Variants in SLC25A22 observed in about 807,000 individuals in gnomAD.
The protein encoded by SLC25A22 is mitochondrial glutamate carrier 1.
A neutral mutation model predicts 33.7 loss-of-function variants in SLC25A22; 23 were observed. The observed-to-expected ratio is 0.68, with a 90% CI of 0.49 to 0.97. The LOEUF is 0.97. Ranked by LOEUF, SLC25A22 falls within the 50% of genes least tolerant of loss-of-function variation. The pLI is 0.00. For missense variants in SLC25A22, 390 were observed against 451.1 expected (o/e 0.86, Z 1.23); for synonymous variants, 245 against 203.8 (o/e 1.20, Z -1.72).
chr11:794,167 G>A lies in SLC25A22; in HGVS notation c.202+291C>T, dbSNP rs1864672433. 13 of 683,174 alleles carry A rather than the reference G, an allele frequency of 1.9e-5. No individual in the cohort carries two copies. In the Middle Eastern group the frequency reaches 7.0e-4, roughly 37 times the overall value. The allele number at this position is 683,174 out of a possible 1,614,324, so 42.3% of individuals were successfully genotyped here. On this transcript the variant is annotated intron_variant, in intron 4 of 9. Coordinates refer to ENST00000628067, the MANE Select transcript of SLC25A22 (RefSeq NM_001191061.2). ...CCCAGCCACAAACGGGGTCCAGCCTGGCCCAGAAGGCAGAGGCAGCTGTGG... is the reference window on the plus strand; with the variant it reads ...CCCAGCCACAAACGGGGTCCAGCCTAGCCCAGAAGGCAGAGGCAGCTGTGG...
In SLC25A22 at chr11:791,541, T is replaced by A; in HGVS notation, c.*374A>T. ...GGGTGCCTGTGTGGGCCAGGATGGC[T>A]GTGGAGACTGGAGCTGGTGGACTGG... On this transcript the variant is annotated 3_prime_UTR_variant, in exon 10 of 10. Transcript: ENST00000628067. 9.1e-6 allele frequency: 3 copies of A among 330,252 alleles called. No individual in the cohort carries two copies. The highest frequency in any genetic ancestry group is 1.7e-5 in the Non-Finnish European group (3 of 175,328). The allele number at this position is 330,252 out of a possible 1,614,324, so 20.5% of individuals were successfully genotyped here.
In SLC25A22 at chr11:794,271, G is replaced by A. The variant is rs764463946; in HGVS notation, c.202+187C>T. On this transcript the variant is annotated intron_variant, in intron 4 of 9. Transcript: ENST00000628067. ...GGGGGTGGGGAGCTGCCACGGGAGA[G>A]GCTGAGAACTACCACTCACCAGAGA... The A allele has an allele frequency of 1.0e-4, 78 of 755,408 alleles. 3 individuals are homozygous for A. The South Asian group carries it at 1.1e-3, about 11-fold the overall frequency. The allele number at this position is 755,408 out of a possible 1,614,324, so 46.8% of individuals were successfully genotyped here. A position where few individuals can be genotyped will look rare whatever the true frequency, so the allele number is the denominator to read the frequency against.
chr11:795,445 C>T (rs1864772137), intron 1 of SLC25A22: 1 of 329,784 alleles, frequency 3.0e-6, no homozygotes, highest in Non-Finnish European at 6.1e-6. Context: ...GCACCCCAGC[C>T]AGCTCCGGCT....
At chr11:794,245 T>C (rs1864676530) in intron 4 of SLC25A22, 1 of 710,676 alleles carries the variant, frequency 1.4e-6, no homozygotes. Flanking sequence ...AGGCACTAAG[T>C]GGGGGTGGGG....
Position 795,089 on chromosome 11 carries a change from AG to A in SLC25A22, c.-84del. 1.2e-6 allele frequency: 1 copy of A among 856,044 alleles called. No individual in the cohort carries two copies. Among genetic ancestry groups the A allele is most frequent in the African/African-American group, 1.9e-5 (1 of 53,312 alleles). 53.0% of individuals were successfully genotyped at this position (856,044 alleles called of 1,614,324 possible). On this transcript the variant is annotated 5_prime_UTR_variant, in exon 2 of 10. Transcript: ENST00000628067. ...GGAGGTGGAGGTGGAGGAGGCCTTGAGGGAGGGTGGGACCCAGGGGGGTTGG... is the reference window on the plus strand; with the variant it reads ...GGAGGTGGAGGTGGAGGAGGCCTTGAGGAGGGTGGGACCCAGGGGGGTTGG...
In SLC25A22 at chr11:792,122, C is replaced by G. The variant is rs574960850; in HGVS notation, c.818+20G>C. On this transcript the variant is annotated intron_variant, in intron 9 of 9. Coordinates refer to ENST00000628067, the MANE Select transcript of SLC25A22 (RefSeq NM_001191061.2). ...CGGTACGCAGGCCCCCAGGCCCCAC[C>G]CGCCGTGGGACCTCCCCACCTGGCA... 9 of 1,610,098 alleles carry G rather than the reference C, an allele frequency of 5.6e-6. No homozygotes were observed. The East Asian group carries it at 1.6e-4, about 28-fold the overall frequency.
chr11:794,686 CA>C, intron 3 of SLC25A22, 89 bp downstream of exon 3: 8 of 1,545,806 alleles, frequency 5.2e-6, no homozygotes, highest in Non-Finnish European at 7.0e-6. Flanking sequence ...TCCCTTCTGT[CA>C]AACAGGGTGG....
chr11:795,546 A>C, intron 1 of SLC25A22: 1 of 290,264 alleles, frequency 3.4e-6, no homozygotes, highest in Non-Finnish European at 6.9e-6. Context: ...TGTGGTGACC[A>C]TCCCCCACAT....
At chr11:797,485 G>A (rs1590126867) in intron 1 of SLC25A22, 1 of 397,784 alleles carries the variant, frequency 2.5e-6, no homozygotes, top group Non-Finnish European at 4.4e-6. Context: ...ATAGTCAGGT[G>A]AACTGAGGCC....
intron 9 of SLC25A22, 35 bp from the exon 10 acceptor site, chr11:792,103 G>A (rs370128136): frequency 4.4e-6 from 7 of 1,603,446 alleles, no homozygotes; most frequent in African/African-American, 2.7e-5. Flanking sequence ...AGCCCGGTAC[G>A]CAGGCCCCCA....
Position 792,301 on chromosome 11 carries a change from G to A in SLC25A22, c.742+3C>T. 3 of 1,613,212 alleles carry A rather than the reference G, an allele frequency of 1.9e-6. No homozygotes were observed. Among genetic ancestry groups the A allele is most frequent in the African/African-American group, 1.3e-5 (1 of 75,054 alleles). On this transcript the variant is annotated splice_donor_region_variant and intron_variant, in intron 8 of 9. Transcript: ENST00000628067. ...CCAGCCGGGCGCCATCCCATGCACT[G>A]ACCATCACAGGGGTTGACGGCCACA...
At position 795,067 on chromosome 11, in the gene SLC25A22, G is replaced by T; in HGVS notation, c.-61C>A. On this transcript the variant is annotated 5_prime_UTR_variant, in exon 2 of 10. Coordinates refer to ENST00000628067, the MANE Select transcript of SLC25A22 (RefSeq NM_001191061.2). The stretch of plus-strand genomic sequence containing the variant: ...TGGACGCCAGGCCAGGCGGGGTGGA[G>T]GTGGAGGTGGAGGAGGCCTTGAGGG... 6.5e-7 allele frequency: 1 copy of T among 1,547,122 alleles called. No homozygotes were observed. Among genetic ancestry groups the T allele is most frequent in the Non-Finnish European group, 8.7e-7 (1 of 1,145,820 alleles).
rs779436764 is a variant in SLC25A22 at position 792,234 on chromosome 11, G to C, written c.743-17C>G. 1.2e-6 allele frequency: 2 copies of C among 1,612,984 alleles called. No homozygotes were observed. The highest frequency in any genetic ancestry group is 1.7e-6 in the Non-Finnish European group (2 of 1,179,934). On this transcript the variant is annotated splice_polypyrimidine_tract_variant and intron_variant, in intron 8 of 9. Transcript: ENST00000628067. ...TCTTCACCACTGCAAGGGGCGCTCG[G>C]GTCAGTGTGAGCCTGGCCAAGGGCT...
intron 3 of SLC25A22, 85 bp from the exon 4 acceptor site, chr11:794,598 G>C (rs747425319): frequency 1.9e-6 from 3 of 1,560,702 alleles, no homozygotes; most frequent in Non-Finnish European, 1.7e-6. Context: ...GCTGATAGAA[G>C]AGGCCAAGTC....
Position 791,573 on chromosome 11 carries a change from G to A in SLC25A22, c.*342C>T, listed in dbSNP as rs529513188. ...ACTGGAGCTGGTGGACTGGGGGTAT[G>A]GTCCAGCCTGCCCGGCCCAGGCCCG... On this transcript the variant is annotated 3_prime_UTR_variant, in exon 10 of 10. Coordinates refer to ENST00000628067, the MANE Select transcript of SLC25A22 (RefSeq NM_001191061.2). 2.5e-5 allele frequency: 10 copies of A among 394,580 alleles called. No individual in the cohort carries two copies. In the East Asian group the frequency reaches 5.0e-4, roughly 20 times the overall value. The allele number at this position is 394,580 out of a possible 1,614,324, so 24.4% of individuals were successfully genotyped here.
Position 795,000 on chromosome 11 carries a change from C to T in SLC25A22, c.7G>A (p.Asp3Asn). The T allele has an allele frequency of 6.4e-7, 1 of 1,557,134 alleles. No individual in the cohort carries two copies. Among genetic ancestry groups the T allele is most frequent in the Non-Finnish European group, 8.7e-7 (1 of 1,150,446 alleles). The change falls in exon 2 of 10, where the codon GAT becomes AAT. Residue 3 changes from aspartate to asparagine, a missense_variant. Transcript: ENST00000628067. ...CTGGAGTCTGACCTGATCTGCTTAT[C>T]AGCCATTTAACTCGATTGCACCCAG... MA[D>N]KQISLPAKLI...
Position 793,556 on chromosome 11 carries a change from A to T in SLC25A22, c.266T>A (p.Phe89Tyr), listed in dbSNP as rs768784548. 1 of 1,613,180 alleles carries T rather than the reference A, an allele frequency of 6.2e-7. No homozygotes were observed. Among genetic ancestry groups the T allele is most frequent in the Non-Finnish European group, 8.5e-7 (1 of 1,179,942 alleles). ...EKAIKLAAND[F>Y]FRHQLSKDGQ... ...GTCCTTAGAGAGCTGATGTCGGAAG[A>T]AGTCGTTGGCTGCCAGCTTGATGGC... is the stretch of plus-strand genomic sequence containing the variant. Residue 89 changes from phenylalanine (F) to tyrosine (Y), a missense_variant, in exon 5 of 10, where the codon TTC (phenylalanine) becomes TAC (tyrosine). Coordinates refer to ENST00000628067, the MANE Select transcript of SLC25A22 (RefSeq NM_001191061.2).
rs2133697677 is a variant in SLC25A22, at chr11:792,018, C to T, written c.869G>A (p.Cys290Tyr). 1 of 1,605,610 alleles carries T rather than the reference C, an allele frequency of 6.2e-7. No individual in the cohort carries two copies. Among genetic ancestry groups the T allele is most frequent in the Non-Finnish European group, 8.5e-7 (1 of 1,176,860 alleles). The change falls in exon 10 of 10, where the codon TGC (cysteine) becomes TAC (tyrosine). Residue 290 changes from cysteine to tyrosine, a missense_variant. By Grantham distance (194) the Cys-to-Tyr change is radical. Coordinates refer to ENST00000628067, the MANE Select transcript of SLC25A22 (RefSeq NM_001191061.2). ...AAGGGGCGCGATGACCAGCGCGCGG[C>T]AGTAGGCGCCCTTCAGGAAGGCCGA... ...GPSAFLKGAY[C>Y]RALVIAPLFG... is the part of the protein sequence containing the mutation.
In SLC25A22 at chr11:794,407, C is replaced by T. The variant is rs539960445; in HGVS notation, c.202+51G>A. On this transcript the variant is annotated intron_variant, in intron 4 of 9. Transcript: ENST00000628067. ...CCCCACCGCTCCCTGCCACGACTCG[C>T]GGGCGCTACCCAGGCCTGCCCATAT... 442 of 1,593,838 alleles carry T rather than the reference C, an allele frequency of 2.8e-4. No homozygotes were observed. The East Asian group carries it at 8.6e-3, about 31-fold the overall frequency.
Sources: gnomAD v4.1 joint callset for allele counts on GRCh38, gnomAD v4.1.1 for gene constraint, MANE v1.5 for transcripts, NCBI Gene and HGNC (gene_info 2026-07-23, HGNC 2026-07-21) for gene names.